Variants in EPB41L4A observed in about 807,000 individuals in gnomAD.
EPB41L4A encodes band 4.1-like protein 4A.
In EPB41L4A, 100 loss-of-function variants were observed where a neutral mutation model predicts 108.6. The ratio of observed to expected loss-of-function variants is 0.92; its 90% CI spans 0.78 to 1.09. EPB41L4A has a LOEUF of 1.09. Ranked by LOEUF, EPB41L4A falls within the 50% of genes least tolerant of loss-of-function variation. EPB41L4A has a pLI of 0.00. For synonymous variants in EPB41L4A, 319 were observed against 289.0 expected, an observed-to-expected ratio of 1.10 and a Z score of -1.05; for missense variants, 1,030 against 842.7, an observed-to-expected ratio of 1.22 and a Z score of -2.75.
At chr5:112,400,021 T>C (rs1264856895) in intron 1 of EPB41L4A, among the ~76,000 whole-genome samples, 2 of 152,190 alleles carry the variant, frequency 1.3e-5, no homozygotes, top group African/African-American at 4.8e-5. Context: ...ATTAGTCCAT[T>C]TTCGCACTGC....
At chr5:112,378,536 C>T (rs1027141988) in intron 1 of EPB41L4A, among the ~76,000 whole-genome samples, 2 of 152,114 alleles carry the variant, frequency 1.3e-5, no homozygotes, top group African/African-American at 4.8e-5. Flanking sequence ...ATTGTTTCCT[C>T]GATAAATTAA....
chr5:112,208,557 T>C (rs986588020), intron 13 of EPB41L4A, among the ~76,000 whole-genome samples: 4 of 151,958 alleles, frequency 2.6e-5, no homozygotes, highest in Non-Finnish European at 5.9e-5. Context: ...ATGGGAACAA[T>C]AGACACTGGG....
At chr5:112,367,547 G>A (rs1044118839) in intron 1 of EPB41L4A, among the ~76,000 whole-genome samples, 7 of 151,944 alleles carry the variant, frequency 4.6e-5, no homozygotes, top group Non-Finnish European at 1.5e-5. Flanking sequence ...TTCCCACTCC[G>A]CATCCCCCAT....
chr5:112,310,384 T>G (rs1057233355), intron 1 of EPB41L4A, among the ~76,000 whole-genome samples: 6 of 152,220 alleles, frequency 3.9e-5, no homozygotes, highest in Non-Finnish European at 8.8e-5. Context: ...TTATTTCTTC[T>G]TTTCTTACTG....
intron 15 of EPB41L4A, among the ~76,000 whole-genome samples, chr5:112,203,411 T>C (rs1475448401): frequency 6.6e-6 from 1 of 152,076 alleles, no homozygotes; most frequent in Non-Finnish European, 1.5e-5. Context: ...ATTTATACAA[T>C]GCCAATTATG....
intron 1 of EPB41L4A, among the ~76,000 whole-genome samples, chr5:112,336,828 C>T (rs1261172819): frequency 1.3e-5 from 2 of 152,156 alleles, no homozygotes; most frequent in Non-Finnish European, 2.9e-5. Context: ...TATTTGGGGT[C>T]AATTACATGT....
At position 112,163,479 on chromosome 5, in the gene EPB41L4A, CTAAT is replaced by C. The variant is rs1760041473; in HGVS notation, c.*1507_*1510del. The C allele has an allele frequency of 6.6e-6, 1 of 152,146 alleles. No individual in the cohort carries two copies. The highest frequency in any genetic ancestry group is 6.5e-5 in the Admixed American group (1 of 15,272). 9.4% of individuals were successfully genotyped at this position (152,146 alleles called of 1,614,324 possible). ...AGGGTCTGAAGTTTGAGAAACTCCA[CTAAT>C]TAATGGCAAGGTAAAGCATGATAAG... is the stretch of plus-strand genomic sequence containing the variant. On this transcript the variant is annotated 3_prime_UTR_variant, in exon 23 of 23. Transcript: ENST00000261486.
rs780630923 is a variant in EPB41L4A at position 112,170,994 on chromosome 5, TATAA to T, written c.1623-6_1623-3del. 2.4e-5 allele frequency: 38 copies of T among 1,612,584 alleles called. No homozygotes were observed. Among genetic ancestry groups the T allele is most frequent in the Non-Finnish European group, 3.0e-5 (35 of 1,178,744 alleles). On this transcript the variant is annotated splice_region_variant and splice_polypyrimidine_tract_variant and intron_variant, in intron 18 of 22. Transcript: ENST00000261486. ...TTTGCTTGGATATCGGGGCTTCTCCTATAAATAGAGAAAACAACATTCATCTCTG... is the reference window on the plus strand; with the variant it reads ...TTTGCTTGGATATCGGGGCTTCTCCTATAGAGAAAACAACATTCATCTCTG...
chr5:112,338,625 A>G (rs1757073495), intron 1 of EPB41L4A, among the ~76,000 whole-genome samples: 1 of 152,106 alleles, frequency 6.6e-6, no homozygotes, highest in Admixed American at 6.5e-5. Flanking sequence ...ACAAAAAGAT[A>G]CCTAGCTTTC....
intron 16 of EPB41L4A, among the ~76,000 whole-genome samples, chr5:112,195,184 C>CA (rs1173849256): frequency 6.6e-6 from 1 of 152,064 alleles, no homozygotes; most frequent in Non-Finnish European, 1.5e-5. Context: ...GAAGTGTCTA[C>CA]AGAAGTGTAA....
At chr5:112,252,905 T>C (rs1750793769) in intron 9 of EPB41L4A, among the ~76,000 whole-genome samples, 1 of 151,648 alleles carries the variant, frequency 6.6e-6, no homozygotes, top group Non-Finnish European at 1.5e-5. Context: ...AAAATAGAAG[T>C]TAATAAATAC....
chr5:112,298,438 A>T (rs915646484), intron 2 of EPB41L4A, among the ~76,000 whole-genome samples: 2 of 152,176 alleles, frequency 1.3e-5, no homozygotes, highest in Non-Finnish European at 2.9e-5. Context: ...ATCTACTGAG[A>T]TGATCATGTG....
intron 1 of EPB41L4A, among the ~76,000 whole-genome samples, chr5:112,325,224 G>T (rs572965677): frequency 2.0e-5 from 3 of 152,064 alleles, no homozygotes; most frequent in Non-Finnish European, 4.4e-5. Flanking sequence ...GGCAGATCAC[G>T]AGGTCAGGAG....
intron 1 of EPB41L4A, among the ~76,000 whole-genome samples, chr5:112,358,892 A>G (rs1049466528): frequency 2.0e-5 from 3 of 152,262 alleles, no homozygotes; most frequent in Admixed American, 2.0e-4. Flanking sequence ...AGACAATAAC[A>G]TAAAAGAATC....
At chr5:112,372,245 A>G (rs1235297416) in intron 1 of EPB41L4A, among the ~76,000 whole-genome samples, 1 of 152,196 alleles carries the variant, frequency 6.6e-6, no homozygotes, top group Admixed American at 6.5e-5. Context: ...CGGTGAAAGG[A>G]TAGAGAATGA....
At chr5:112,300,506 T>G (rs1754281891) in intron 2 of EPB41L4A, among the ~76,000 whole-genome samples, 1 of 152,226 alleles carries the variant, frequency 6.6e-6, no homozygotes, top group African/African-American at 2.4e-5. Context: ...GGGTTTCTGC[T>G]GAGAAATCTG....
Position 112,194,611 on chromosome 5 carries a change from C to A in EPB41L4A, c.1459G>T (p.Glu487Ter). 6.2e-7 allele frequency: 1 copy of A among 1,606,332 alleles called. No individual in the cohort carries two copies. Among genetic ancestry groups the A allele is most frequent in the South Asian group, 1.1e-5 (1 of 89,470 alleles). The change falls in exon 17 of 23, where the codon GAA becomes TAA. Residue 487 changes from glutamate (E) to a stop codon, truncating the protein, a stop_gained. Transcript: ENST00000261486. LOFTEE classifies it high-confidence loss of function. Reference sequence around the variant, plus strand: ...TATTCTCTATTAGAATTTTCTGATTCACTACCACTGCTGGTGTTACAGCGT... The same window carrying A: ...TATTCTCTATTAGAATTTTCTGATTAACTACCACTGCTGGTGTTACAGCGT... ...RSRCNTSSGS[E>*]SENSNREYRK...
intron 1 of EPB41L4A, among the ~76,000 whole-genome samples, chr5:112,373,392 C>A (rs1232006788): frequency 2.0e-5 from 3 of 152,218 alleles, no homozygotes; most frequent in Non-Finnish European, 2.9e-5. Context: ...CCAGCACTAG[C>A]TCCTCTGGTA....
At chr5:112,293,824 G>A (rs1161962840) in intron 2 of EPB41L4A, among the ~76,000 whole-genome samples, 1 of 152,212 alleles carries the variant, frequency 6.6e-6, no homozygotes, top group Non-Finnish European at 1.5e-5. Flanking sequence ...TCACATGACT[G>A]TGCTCAGAAG....
Sources: gnomAD v4.1 joint callset for allele counts (sites outside exome capture counted in the v4.1 genomes callset) on GRCh38, gnomAD v4.1.1 for gene constraint, MANE v1.5 for transcripts, NCBI Gene and HGNC (gene_info 2026-07-23, HGNC 2026-07-21) for gene names.